Variants in PNPT1 observed in about 807,000 individuals in gnomAD.
The protein encoded by PNPT1 is polyribonucleotide nucleotidyltransferase 1.
Under a neutral mutation model 119.5 loss-of-function variants are expected in PNPT1, and 53 were observed. The observed-to-expected ratio is 0.44, with a 90% CI of 0.36 to 0.56. The LOEUF is 0.56. Among genes scored for constraint, PNPT1 ranks in the 20% least tolerant of loss-of-function variants. The pLI is 0.00. For missense variants in PNPT1, 948 were observed against 938.5 expected, an observed-to-expected ratio of 1.01 and a Z score of -0.13; for synonymous variants, 357 against 322.1, an observed-to-expected ratio of 1.11 and a Z score of -1.16.
intron 19 of PNPT1, 76 bp from the exon 20 acceptor site, chr2:55,646,562 A>C: frequency 8.4e-7 from 1 of 1,196,902 alleles, no homozygotes; most frequent in Non-Finnish European, 1.2e-6. Flanking sequence ...GAAACATTTC[A>C]AAAAACAGCT....
chr2:55,686,371 A>C lies in PNPT1; in HGVS notation c.296T>G (p.Val99Gly), dbSNP rs753173144. ...TCAGATAAATCAGCAAATACTTACCACCAAAGGCATAAACTGGGAAGGGGA... is the reference window on the plus strand; with the variant it reads ...TCAGATAAATCAGCAAATACTTACCCCCAAAGGCATAAACTGGGAAGGGGA... ...KPSPSQFMPL[V>G]VDYRQKAAAA... The change falls in exon 3 of 28, where the codon GTG becomes GGG. Residue 99 changes from valine (V) to glycine (G), a missense_variant and splice_region_variant. Transcript: ENST00000447944. 1 of 1,608,682 alleles carries C rather than the reference A, an allele frequency of 6.2e-7. No individual in the cohort carries two copies. Among genetic ancestry groups the C allele is most frequent in the Admixed American group, 1.7e-5 (1 of 59,976 alleles).
intron 22 of PNPT1, 127 bp downstream of exon 22, chr2:55,645,222 C>A (rs1358817548): frequency 3.6e-6 from 2 of 555,456 alleles, no homozygotes; most frequent in East Asian, 6.8e-5. Context: ...GACAGGGTTT[C>A]ACCGTGTTAG....
At chr2:55,687,748 C>CT in intron 1 of PNPT1, 43 bp from the exon 2 acceptor site, 1 of 1,427,732 alleles carries the variant, frequency 7.0e-7, no homozygotes, top group Non-Finnish European at 9.6e-7. Context: ...CTTAGGTCAT[C>CT]TGTACAATTC....
chr2:55,692,449 A>G (rs1457192643), intron 1 of PNPT1, among the ~76,000 whole-genome samples: 1 of 152,190 alleles, frequency 6.6e-6, no homozygotes, highest in Non-Finnish European at 1.5e-5. Context: ...AAGTACACGT[A>G]AAAAATTTAG....
chr2:55,693,710 T>C lies in PNPT1; in HGVS notation c.114A>G (p.Leu38=), dbSNP rs1448868977. ...CAGCTCGAGACCCTGCGCTACTCCA[T>C]AGTGCTCGCACTTGCAACTGGGTGA... is the stretch of plus-strand genomic sequence containing the variant. ...RALTQLQVRA[L]WSSAGSRAVA... is the part of the protein sequence containing the mutation. The change falls in exon 1 of 28, where the codon CTA becomes CTG. Residue 38 remains leucine (L), a synonymous_variant. Coordinates refer to ENST00000447944, the MANE Select transcript of PNPT1 (RefSeq NM_033109.5). 4 of 1,614,198 alleles carry C rather than the reference T, an allele frequency of 2.5e-6. No individual in the cohort carries two copies. Among genetic ancestry groups the C allele is most frequent in the African/African-American group, 1.3e-5 (1 of 75,060 alleles).
intron 8 of PNPT1, among the ~76,000 whole-genome samples, chr2:55,676,623 A>T (rs1697081294): frequency 6.6e-6 from 1 of 152,136 alleles, no homozygotes; most frequent in Non-Finnish European, 1.5e-5. Flanking sequence ...GCACTTCGGG[A>T]GGCTGAGGCA....
intron 13 of PNPT1, among the ~76,000 whole-genome samples, chr2:55,663,552 C>A (rs144972357): frequency 1.4e-3 from 213 of 152,256 alleles, no homozygotes; most frequent in African/African-American, 4.9e-3. Flanking sequence ...TCAAAGGAAA[C>A]CACACCTTTC....
At chr2:55,665,556 A>G (rs1323064916) in intron 13 of PNPT1, among the ~76,000 whole-genome samples, 1 of 152,242 alleles carries the variant, frequency 6.6e-6, no homozygotes, top group African/African-American at 2.4e-5. Flanking sequence ...ATATTAAAAA[A>G]AGAAAAACTG....
intron 13 of PNPT1, among the ~76,000 whole-genome samples, chr2:55,666,743 G>A (rs957202484): frequency 1.3e-5 from 2 of 152,198 alleles, no homozygotes; most frequent in East Asian, 1.9e-4. Context: ...TCAGGAAGCC[G>A]AGGTGGGAGG....
chr2:55,663,421 G>C (rs1696641774), intron 13 of PNPT1, among the ~76,000 whole-genome samples: 1 of 152,100 alleles, frequency 6.6e-6, no homozygotes, highest in African/African-American at 2.4e-5. Context: ...TGCAATTCTA[G>C]AAGAAGAGAG....
chr2:55,693,552 A>C (rs1697690169), intron 1 of PNPT1, 111 bp downstream of exon 1: 3 of 1,453,104 alleles, frequency 2.1e-6, no homozygotes, highest in Non-Finnish European at 2.8e-6. Context: ...TAGGGTAAGG[A>C]GAGATTAAAT....
In PNPT1 at chr2:55,636,160, G is replaced by T; in HGVS notation, c.*77C>A. ...TTATATAGAAATCTACACAATGGAA[G>T]ATACTACTAAAATGTTGCTCTACAG... On this transcript the variant is annotated 3_prime_UTR_variant, in exon 28 of 28. Coordinates refer to ENST00000447944, the MANE Select transcript of PNPT1 (RefSeq NM_033109.5). 1 of 1,022,000 alleles carries T rather than the reference G, an allele frequency of 9.8e-7. No individual in the cohort carries two copies. Among genetic ancestry groups the T allele is most frequent in the Non-Finnish European group, 1.4e-6 (1 of 719,888 alleles). The allele number at this position is 1,022,000 out of a possible 1,614,324, so 63.3% of individuals were successfully genotyped here.
chr2:55,645,271 G>T, intron 22 of PNPT1, 78 bp downstream of exon 22: 2 of 906,492 alleles, frequency 2.2e-6, no homozygotes, highest in Non-Finnish European at 1.7e-6. Context: ...TGATCCGCTC[G>T]CCTCGGCCTC....
chr2:55,673,964 T>G (rs1696989942), intron 8 of PNPT1, among the ~76,000 whole-genome samples: 1 of 150,928 alleles, frequency 6.6e-6, no homozygotes, highest in Admixed American at 6.6e-5. Flanking sequence ...CTCAGGTGAT[T>G]AACCCGCCTC....
In PNPT1 at chr2:55,684,987, T is replaced by A; in HGVS notation, c.359A>T (p.Glu120Val). The A allele has an allele frequency of 6.3e-7, 1 of 1,594,250 alleles. No homozygotes were observed. The highest frequency in any genetic ancestry group is 8.6e-7 in the Non-Finnish European group (1 of 1,165,572). ...AATTTCTTTATCAGAAGTACCAATC[T>A]CTCTTCTCAGATAGTTTGTGGGAAT... ...GRIPTNYLRR[E>V]IGTSDKEILT... is the part of the protein sequence containing the mutation. Residue 120 changes from glutamate to valine, a missense_variant, in exon 4 of 28, where the codon GAG becomes GTG. Physicochemically the swap from Glu to Val is moderately radical, Grantham distance 121. Transcript: ENST00000447944.
chr2:55,659,914 G>C (rs549519168), intron 15 of PNPT1, among the ~76,000 whole-genome samples: 24 of 152,192 alleles, frequency 1.6e-4, no homozygotes, highest in Admixed American at 1.4e-3. Context: ...TCCAGCCTGA[G>C]CAACATGGCA....
In PNPT1 at chr2:55,644,630, C is replaced by A; in HGVS notation, c.1906+7G>T. 6.3e-7 allele frequency: 1 copy of A among 1,596,128 alleles called. No individual in the cohort carries two copies. Among genetic ancestry groups the A allele is most frequent in the South Asian group, 1.1e-5 (1 of 90,502 alleles). On this transcript the variant is annotated splice_region_variant and intron_variant, in intron 23 of 27. Transcript: ENST00000447944. ...TTAAAAAACCCCAAACTTCATACAACTCTTACCTGTTTCAGCCTGAAGTTT... is the reference window on the plus strand; with the variant it reads ...TTAAAAAACCCCAAACTTCATACAAATCTTACCTGTTTCAGCCTGAAGTTT...
At chr2:55,693,622 G>A (rs373486784) in intron 1 of PNPT1, 41 bp downstream of exon 1, 273 of 1,604,784 alleles carry the variant, frequency 1.7e-4, no homozygotes, top group Non-Finnish European at 2.0e-4. Flanking sequence ...GGCTGGACAA[G>A]ACACCTTATG....
At position 55,677,615 on chromosome 2, in the gene PNPT1, AAAAAAAAG is replaced by A. The variant is rs1444643124; in HGVS notation, c.679+2059_679+2066del. Reference sequence around the variant, plus strand: ...ATGTCTCAAAAAAAAAAAAAAAAAAAAAAAAAAGATTATTAGTTCATTCCTCTAATGTC... The same window carrying A: ...ATGTCTCAAAAAAAAAAAAAAAAAAAATTATTAGTTCATTCCTCTAATGTC... On this transcript the variant is annotated intron_variant, in intron 8 of 27. Transcript: ENST00000447944. 1.8e-3 allele frequency among the ~76,000 whole-genome samples: 276 copies of A among 151,264 alleles called. 1 individual carries two copies. The highest frequency in any genetic ancestry group is 6.5e-3 in the African/African-American group (268 of 41,198).
Sources: gnomAD v4.1 joint callset for allele counts (sites outside exome capture counted in the v4.1 genomes callset) on GRCh38, gnomAD v4.1.1 for gene constraint, MANE v1.5 for transcripts, NCBI Gene and HGNC (gene_info 2026-07-23, HGNC 2026-07-21) for gene names.